Variants in ZDHHC21 observed in about 807,000 individuals in gnomAD.
ZDHHC21 encodes the protein palmitoyltransferase ZDHHC21.
A neutral mutation model predicts 34.6 loss-of-function variants in ZDHHC21; 15 were observed. That is an observed-to-expected ratio of 0.43 (90% CI 0.29 to 0.67). The LOEUF is 0.67. Among genes scored for constraint, ZDHHC21 ranks in the 30% least tolerant of loss-of-function variants. The pLI, the probability that ZDHHC21 is intolerant of heterozygous loss-of-function variation, is 0.14. For synonymous variants in ZDHHC21, 142 were observed against 101.8 expected, an observed-to-expected ratio of 1.40 and a Z score of -2.38; for missense variants, 344 against 327.7, an observed-to-expected ratio of 1.05 and a Z score of -0.38.
the ZDHHC21 span, among the ~76,000 whole-genome samples, chr9:14,599,556 T>G: frequency 2.6e-5 from 4 of 151,996 alleles, no homozygotes; most frequent in Admixed American, 2.6e-4. Context: ...GCAGGAGTTT[T>G]TTTTTTTTCC....
chr9:14,629,354 T>A (rs1015837678), intron 8 of ZDHHC21, among the ~76,000 whole-genome samples: 2 of 152,152 alleles, frequency 1.3e-5, no homozygotes, highest in Non-Finnish European at 2.9e-5. Flanking sequence ...AAAAAACCCT[T>A]GCAATTTGAG....
chr9:14,639,786 C>A, intron 8 of ZDHHC21, 110 bp downstream of exon 8: 1 of 570,998 alleles, frequency 1.8e-6, no homozygotes. Context: ...TATTAAAAAG[C>A]ATGGGTAATT....
rs1823820437 is a variant in ZDHHC21, at chr9:14,614,325, T to A, written c.*4641A>T. 1 of 151,772 alleles carries A rather than the reference T, an allele frequency of 6.6e-6. No homozygotes were observed. The allele number at this position is 151,772 out of a possible 1,614,324, so 9.4% of individuals were successfully genotyped here. A position where few individuals can be genotyped will look rare whatever the true frequency, so the allele number is the denominator to read the frequency against. ...TGACTTTTTAAAATACCATTGTTAT[T>A]TCTGTTTCAAATTAGCAGGCAGTAT... On this transcript the variant is annotated 3_prime_UTR_variant, in exon 10 of 10. Coordinates refer to ENST00000380916, the MANE Select transcript of ZDHHC21 (RefSeq NM_178566.6).
At chr9:14,628,395 T>A (rs1012366834) in intron 8 of ZDHHC21, among the ~76,000 whole-genome samples, 24 of 152,082 alleles carry the variant, frequency 1.6e-4, no homozygotes, top group African/African-American at 5.8e-4. Context: ...TGGTAAAAAA[T>A]TACTGAAAAG....
chr9:14,653,043 T>C (rs1448940530), intron 7 of ZDHHC21, among the ~76,000 whole-genome samples: 1 of 151,934 alleles, frequency 6.6e-6, no homozygotes, highest in Non-Finnish European at 1.5e-5. Context: ...CACCACATGC[T>C]TTAACTGCAT....
chr9:14,626,154 G>A (rs1214982901), intron 8 of ZDHHC21, among the ~76,000 whole-genome samples: 1 of 151,938 alleles, frequency 6.6e-6, no homozygotes, highest in Non-Finnish European at 1.5e-5. Flanking sequence ...TTGGTTATTA[G>A]TAGAAATAAG....
At position 14,661,377 on chromosome 9, in the gene ZDHHC21, A is replaced by G. The variant is rs79973122; in HGVS notation, c.365+838T>C. Among the ~76,000 whole-genome samples, 1,369 of 152,342 alleles carry G rather than the reference A, an allele frequency of 9.0e-3. 6 individuals are homozygous for G. Among genetic ancestry groups the G allele is most frequent in the Non-Finnish European group, 0.015 (1,032 of 68,008 alleles). ...TTTTAAATAAAAGCAATTATAAATT[A>G]AGAGGCTCATTATGTAAATTTGCAT... On this transcript the variant is annotated intron_variant, in intron 6 of 9. Transcript: ENST00000380916.
the ZDHHC21 span, chr9:14,594,010 A>T: frequency 6.6e-6 from 1 of 152,362 alleles, no homozygotes; most frequent in African/African-American, 2.4e-5. Flanking sequence ...ACCTCAGCAC[A>T]GTAATCGAGG....
intron 7 of ZDHHC21, among the ~76,000 whole-genome samples, chr9:14,643,058 C>T (rs1265826445): frequency 3.3e-5 from 5 of 151,790 alleles, no homozygotes; most frequent in Non-Finnish European, 5.9e-5. Flanking sequence ...GGCCAACAGG[C>T]GAAACCCCGT....
chr9:14,651,935 C>A (rs1201830544), intron 7 of ZDHHC21, among the ~76,000 whole-genome samples: 1 of 151,808 alleles, frequency 6.6e-6, no homozygotes, highest in Non-Finnish European at 1.5e-5. Context: ...GTTTTAGAAC[C>A]TAGACAATGA....
At chr9:14,602,610 T>C in the ZDHHC21 span, among the ~76,000 whole-genome samples, 20 of 152,188 alleles carry the variant, frequency 1.3e-4, no homozygotes, top group African/African-American at 4.6e-4. Context: ...TCAAGTCACA[T>C]ATAAGGAAAT....
At chr9:14,594,209 A>C in the ZDHHC21 span, 1 of 152,228 alleles carries the variant, frequency 6.6e-6, no homozygotes, top group Non-Finnish European at 1.5e-5. Flanking sequence ...GAGCAGCACC[A>C]ATGAGGATGA....
At chr9:14,604,582 CAA>C in the ZDHHC21 span, among the ~76,000 whole-genome samples, 30 of 151,852 alleles carry the variant, frequency 2.0e-4, no homozygotes, top group Non-Finnish European at 2.9e-4. Flanking sequence ...TTTTAGAAAA[CAA>C]AGTGAGAAAA....
At chr9:14,677,304 G>C (rs1836595813) in intron 3 of ZDHHC21, 1 of 151,814 alleles carries the variant, frequency 6.6e-6, no homozygotes, top group Admixed American at 6.6e-5. Context: ...ATACCTGATT[G>C]GTAAAACTTA....
At position 14,693,303 on chromosome 9, in the gene ZDHHC21, C is replaced by G. The variant is rs1257487728; in HGVS notation, c.-299G>C. The G allele has an allele frequency of 7.2e-6, 3 of 416,674 alleles. No individual in the cohort carries two copies. The Admixed American group carries it at 7.9e-5, about 11-fold the overall frequency. The allele number at this position is 416,674 out of a possible 1,614,324, so 25.8% of individuals were successfully genotyped here. ...AGCTCTTTCCCCTCCTCCTGCCGCG[C>G]CACCTCCGCCTCCTCCGGCGCCGCC... On this transcript the variant is annotated 5_prime_UTR_variant, in exon 1 of 10. Coordinates refer to ENST00000380916, the MANE Select transcript of ZDHHC21 (RefSeq NM_178566.6).
chr9:14,686,691 G>A (rs1049365809), intron 2 of ZDHHC21, among the ~76,000 whole-genome samples: 1 of 152,108 alleles, frequency 6.6e-6, no homozygotes, highest in Admixed American at 6.5e-5. Context: ...CAAAGTTAAA[G>A]TCTGGGTATA....
the ZDHHC21 span, among the ~76,000 whole-genome samples, chr9:14,599,884 AAC>A: frequency 6.6e-6 from 1 of 152,176 alleles, no homozygotes; most frequent in African/African-American, 2.4e-5. Flanking sequence ...CCATCATATA[AAC>A]AGAACCAATG....
chr9:14,652,025 G>C (rs566043327), intron 7 of ZDHHC21, among the ~76,000 whole-genome samples: 56 of 151,850 alleles, frequency 3.7e-4, no homozygotes, highest in Non-Finnish European at 6.9e-4. Flanking sequence ...ATACTGGAAT[G>C]ATAAATGCAA....
At position 14,618,909 on chromosome 9, in the gene ZDHHC21, A is replaced by T. The variant is rs531359168; in HGVS notation, c.*57T>A. ...AAGACTGTCATAGTTCTATTATCAT[A>T]AAACCTGTAACGCATTGCCAGCATG... On this transcript the variant is annotated 3_prime_UTR_variant, in exon 10 of 10. Transcript: ENST00000380916. 1 of 1,498,682 alleles carries T rather than the reference A, an allele frequency of 6.7e-7. No individual in the cohort carries two copies. Among genetic ancestry groups the T allele is most frequent in the African/African-American group, 1.4e-5 (1 of 70,972 alleles). The allele number at this position is 1,498,682 out of a possible 1,614,324, so 92.8% of individuals were successfully genotyped here. A position where few individuals can be genotyped will look rare whatever the true frequency, so the allele number is the denominator to read the frequency against.
Sources: gnomAD v4.1 joint callset for allele counts (sites outside exome capture counted in the v4.1 genomes callset) on GRCh38, gnomAD v4.1.1 for gene constraint, MANE v1.5 for transcripts, NCBI Gene and HGNC (gene_info 2026-07-23, HGNC 2026-07-21) for gene names.